The following SLC4A5 variants were observed in gnomAD, a reference collection of about 807,000 sequenced individuals.
SLC4A5 encodes solute carrier family 4 member 5.
In SLC4A5, 96 loss-of-function variants were observed where a neutral mutation model predicts 120.4. The ratio of observed to expected loss-of-function variants is 0.80; its 90% CI spans 0.68 to 0.94. The LOEUF (loss-of-function observed/expected upper bound fraction) is 0.94, where lower values mean the gene tolerates loss of function less well. Among genes scored for constraint, SLC4A5 ranks in the 40% least tolerant of loss-of-function variants. The pLI, the probability that SLC4A5 is intolerant of heterozygous loss-of-function variation, is 0.00. For missense variants in SLC4A5, 1,259 were observed against 1,459.5 expected (o/e 0.86, Z 2.24); for synonymous variants, 550 against 571.1 (o/e 0.96, Z 0.53).
chr2:74,290,252 T>C (rs1033951452), intron 7 of SLC4A5: 4 of 985,414 alleles, frequency 4.1e-6, no homozygotes, highest in African/African-American at 1.7e-5. Context: ...ACCTGCTCCC[T>C]GGAACAGCTG....
chr2:74,266,183 G>A (rs1671296800), intron 8 of SLC4A5, among the ~76,000 whole-genome samples: 1 of 152,242 alleles, frequency 6.6e-6, no homozygotes, highest in South Asian at 2.1e-4. Flanking sequence ...AGAAGCTTCA[G>A]TAATTAAAGC....
Position 74,222,932 on chromosome 2 carries a change from C to T in SLC4A5, c.3267G>A (p.Ser1089=), listed in dbSNP as rs149598291. ...CACTTTCCATGGGAATCTTTATAACCGAGGGAGGAGGGAACTGGGGCTGGA... is the reference window on the plus strand; with the variant it reads ...CACTTTCCATGGGAATCTTTATAACTGAGGGAGGAGGGAACTGGGGCTGGA... Residue 1089 remains serine, a synonymous_variant, in exon 29 of 31, where the codon TCG becomes TCA. Transcript: ENST00000394019. 1.5e-4 allele frequency: 239 copies of T among 1,612,006 alleles called. No homozygotes were observed. The African/African-American group carries it at 2.5e-3, about 17-fold the overall frequency.
At chr2:74,283,126 TAG>T (rs1671866466) in intron 8 of SLC4A5, among the ~76,000 whole-genome samples, 1 of 152,122 alleles carries the variant, frequency 6.6e-6, no homozygotes, top group South Asian at 2.1e-4. Flanking sequence ...CACTGGAAGT[TAG>T]AGACAGAAAG....
At chr2:74,248,621 A>T (rs554467733) in intron 17 of SLC4A5, 135 bp from the exon 18 acceptor site, 2 of 1,019,194 alleles carry the variant, frequency 2.0e-6, no homozygotes, top group African/African-American at 3.3e-5. Flanking sequence ...TCCTCCCTAA[A>T]TCCTGTTCTC....
rs542496577 is a variant in SLC4A5 at position 74,294,093 on chromosome 2, C to A, written c.272-8191G>T. On this transcript the variant is annotated intron_variant, in intron 7 of 30. Coordinates refer to ENST00000394019, the Ensembl canonical transcript of SLC4A5. ...GCCTGGCATGTGCATGGCCAGCCCC[C>A]CAAAAGTGCTTGTGGATGGAGCCAA... Among the ~76,000 whole-genome samples the A allele has an allele frequency of 9.0e-4, 137 of 152,256 alleles. 1 individual carries two copies. The highest frequency in any genetic ancestry group is 3.1e-3 in the African/African-American group (130 of 41,540).
chr2:74,229,261 G>GT (rs1332755368), intron 25 of SLC4A5, among the ~76,000 whole-genome samples: 1 of 148,190 alleles, frequency 6.7e-6, no homozygotes, highest in Non-Finnish European at 1.5e-5. Context: ...TTTTTTTTTG[G>GT]GGGGGGCACG....
intron 24 of SLC4A5, among the ~76,000 whole-genome samples, chr2:74,231,558 G>A (rs1670085186): frequency 6.6e-6 from 1 of 152,212 alleles, no homozygotes; most frequent in Non-Finnish European, 1.5e-5. Context: ...GCTTGTAGCT[G>A]GGGGGCTTGA....
In SLC4A5 at chr2:74,317,430, A is replaced by C. The variant is rs116251031; in HGVS notation, c.-2-2405T>G. On this transcript the variant is annotated intron_variant, in intron 5 of 30. Transcript: ENST00000394019. The stretch of plus-strand genomic sequence containing the variant: ...TATACAAAATGTTTCTCAAAGATAG[A>C]AATAGGACATCAGAGGCAATAGGGA... Among the ~76,000 whole-genome samples the C allele has an allele frequency of 3.8e-3, 576 of 152,342 alleles. 3 individuals carry two copies. The highest frequency in any genetic ancestry group is 6.9e-3 in the Non-Finnish European group (470 of 68,030).
At chr2:74,263,521 T>C (rs371287157) in intron 10 of SLC4A5, among the ~76,000 whole-genome samples, 34 of 152,294 alleles carry the variant, frequency 2.2e-4, no homozygotes, top group East Asian at 7.7e-4. Context: ...GGGATACTGA[T>C]AGTGGAATGT....
At chr2:74,336,530 GTA>G (rs1291403490) in intron 3 of SLC4A5, among the ~76,000 whole-genome samples, 1 of 152,086 alleles carries the variant, frequency 6.6e-6, no homozygotes, top group African/African-American at 2.4e-5. Context: ...ATTAAATGAG[GTA>G]ACATACATGA....
rs771519121 is a variant in SLC4A5, at chr2:74,255,918, G to C, written c.882C>G (p.Phe294Leu). Residue 294 changes from phenylalanine to leucine, a missense_variant, in exon 13 of 31, where the codon TTC becomes TTG. Transcript: ENST00000394019. This position sits in a 1 kb window ranked among gnomAD's most constrained non-coding sequence, Gnocchi z 4.0. ...CTGAGTCCTTGGGGATCTTCTTCAT[G>C]AATTTGTTTTTCCGCTGGACAGGGA... 1.2e-6 allele frequency: 2 copies of C among 1,613,786 alleles called. No individual in the cohort carries two copies. The highest frequency in any genetic ancestry group is 1.7e-6 in the Non-Finnish European group (2 of 1,179,708).
chr2:74,241,899 G>A lies in SLC4A5; in HGVS notation c.2118+95C>T, dbSNP rs1573017165. 8.9e-6 allele frequency: 10 copies of A among 1,118,118 alleles called. No individual in the cohort carries two copies. The East Asian group carries it at 2.5e-4, about 28-fold the overall frequency. The allele number at this position is 1,118,118 out of a possible 1,614,324, so 69.3% of individuals were successfully genotyped here. On this transcript the variant is annotated intron_variant, in intron 20 of 30. Transcript: ENST00000394019. ...AGCTGGAGTTGACCTCTGCAAGTCT[G>A]GGAGGCCATAAGTTGGTCTCATTTC...
At chr2:74,290,287 T>C in intron 7 of SLC4A5, 1 of 985,560 alleles carries the variant, frequency 1.0e-6, no homozygotes, top group Non-Finnish European at 1.2e-6. Context: ...TGGCTGTCGA[T>C]GCTGCCTCTG....
chr2:74,317,073 A>G (rs1445331090), intron 5 of SLC4A5, among the ~76,000 whole-genome samples: 1 of 152,162 alleles, frequency 6.6e-6, no homozygotes, highest in African/African-American at 2.4e-5. Flanking sequence ...CCTGTAACCT[A>G]CTGAATATGC....
chr2:74,286,775 G>A (rs1011892040), intron 7 of SLC4A5, among the ~76,000 whole-genome samples: 1 of 152,188 alleles, frequency 6.6e-6, no homozygotes, highest in Non-Finnish European at 1.5e-5. Flanking sequence ...CTGAGGAGGG[G>A]ACACTGGAGC....
intron 8 of SLC4A5, among the ~76,000 whole-genome samples, chr2:74,281,422 C>G (rs991982239): frequency 6.6e-6 from 1 of 152,226 alleles, no homozygotes; most frequent in Non-Finnish European, 1.5e-5. Context: ...GGATAGAATT[C>G]TGGGTAAATA....
At chr2:74,336,832 G>T (rs761148288) in intron 3 of SLC4A5, among the ~76,000 whole-genome samples, 11 of 152,202 alleles carry the variant, frequency 7.2e-5, no homozygotes, top group Non-Finnish European at 1.3e-4. Context: ...TCTCCAGCCT[G>T]ATACTCCCCT....
intron 8 of SLC4A5, among the ~76,000 whole-genome samples, chr2:74,277,757 A>C (rs1036635546): frequency 6.6e-6 from 1 of 152,182 alleles, no homozygotes; most frequent in Non-Finnish European, 1.5e-5. Context: ...AGAGAAACTG[A>C]ATCTAGACTA....
intron 6 of SLC4A5, among the ~76,000 whole-genome samples, chr2:74,314,023 T>TA (rs766888869): frequency 1.6e-4 from 24 of 152,138 alleles, no homozygotes; most frequent in South Asian, 6.2e-4. Flanking sequence ...TCTGAAAAGA[T>TA]AGAATGGGAT....
Sources: gnomAD v4.1 joint callset for allele counts (sites outside exome capture counted in the v4.1 genomes callset) on GRCh38, gnomAD v4.1.1 for gene constraint, Gnocchi (gnomAD v3.1) non-coding constraint, MANE v1.5 for transcripts, NCBI Gene and HGNC (gene_info 2026-07-23, HGNC 2026-07-21) for gene names.